PARN: variants seen among roughly 807,000 people sequenced by gnomAD.
The protein encoded by PARN is poly(A)-specific ribonuclease.
A neutral mutation model predicts 102.8 loss-of-function variants in PARN; 71 were observed. That is an observed-to-expected ratio of 0.69 (90% CI 0.57 to 0.84). The LOEUF is 0.84. Ranked by LOEUF, PARN falls within the 40% of genes least tolerant of loss-of-function variation. PARN has a pLI of 0.00. For missense variants in PARN, 782 were observed against 760.9 expected (o/e 1.03, Z -0.33); for synonymous variants, 261 against 252.9 (o/e 1.03, Z -0.30).
chr16:14,569,917 C>A (rs1473375890), intron 18 of PARN, among the ~76,000 whole-genome samples: 3 of 151,834 alleles, frequency 2.0e-5, no homozygotes, highest in Non-Finnish European at 4.4e-5. Flanking sequence ...GGTTAAATAG[C>A]AAAAGTTGTA....
chr16:14,446,809 A>C (rs1961219258), intron 23 of PARN, 79 bp downstream of exon 23: 1 of 1,010,054 alleles, frequency 9.9e-7, no homozygotes, highest in Admixed American at 2.5e-5. Context: ...CCTTGCTATA[A>C]TTTCTCCCCC....
intron 6 of PARN, 22 bp downstream of exon 6, chr16:14,617,568 G>A: frequency 8.3e-7 from 1 of 1,207,148 alleles, no homozygotes; most frequent in Non-Finnish European, 1.2e-6. Flanking sequence ...AAGCTCTAAA[G>A]ATAGGTTACC....
intron 21 of PARN, among the ~76,000 whole-genome samples, chr16:14,535,989 T>G (rs915401219): frequency 6.6e-6 from 1 of 152,108 alleles, no homozygotes; most frequent in Non-Finnish European, 1.5e-5. Flanking sequence ...TTTACTTATT[T>G]AAAAAATAAA....
At chr16:14,626,846 T>C (rs936851239) in intron 5 of PARN, among the ~76,000 whole-genome samples, 2 of 152,022 alleles carry the variant, frequency 1.3e-5, no homozygotes, top group South Asian at 4.1e-4. Context: ...CTCGATCTCC[T>C]GACCTCATGA....
At chr16:14,477,533 T>C (rs1963133061) in intron 22 of PARN, among the ~76,000 whole-genome samples, 1 of 151,718 alleles carries the variant, frequency 6.6e-6, no homozygotes, top group Non-Finnish European at 1.5e-5. Flanking sequence ...ATCCCAGCAC[T>C]TTGGGAGGCC....
chr16:14,606,896 C>T (rs1971222681), intron 9 of PARN, among the ~76,000 whole-genome samples: 2 of 151,920 alleles, frequency 1.3e-5, no homozygotes, highest in African/African-American at 4.8e-5. Context: ...ATTCTCCTGC[C>T]TCAGCTTCCC....
At chr16:14,599,882 C>A in intron 12 of PARN, 22 bp downstream of exon 12, 1 of 1,527,128 alleles carries the variant, frequency 6.5e-7, no homozygotes, top group Non-Finnish European at 9.0e-7. Flanking sequence ...TGCAATCTTG[C>A]TAAAAAGTCT....
chr16:14,629,693 G>C lies in PARN; in HGVS notation c.20-19C>G, dbSNP rs1214041682. On this transcript the variant is annotated intron_variant, in intron 1 of 23. Coordinates refer to ENST00000437198, the MANE Select transcript of PARN (RefSeq NM_002582.4). ...TTAAAATCTGCGGAGAAACCGAAAA[G>C]AGGCTCAGAACCAGTGGCCTGAATT... 6.3e-7 allele frequency: 1 copy of C among 1,585,912 alleles called. No individual in the cohort carries two copies. The highest frequency in any genetic ancestry group is 1.3e-5 in the African/African-American group (1 of 74,358).
intron 21 of PARN, among the ~76,000 whole-genome samples, chr16:14,503,364 A>G (rs1964721879): frequency 6.6e-6 from 1 of 152,256 alleles, no homozygotes; most frequent in Admixed American, 6.5e-5. Flanking sequence ...GAGCTGACTC[A>G]TATGAGAAAA....
chr16:14,604,291 G>A (rs908161323), intron 10 of PARN, 65 bp from the exon 11 acceptor site: 10 of 1,006,642 alleles, frequency 9.9e-6, no homozygotes, highest in East Asian at 5.2e-5. Flanking sequence ...ACAGAGTTTC[G>A]CTCTTGTTGC....
chr16:14,483,747 T>C (rs1455788801), intron 21 of PARN, among the ~76,000 whole-genome samples: 1 of 152,174 alleles, frequency 6.6e-6, no homozygotes, highest in African/African-American at 2.4e-5. Context: ...TTCCTCAACT[T>C]GAAAACTTTG....
intron 6 of PARN, among the ~76,000 whole-genome samples, chr16:14,615,797 A>G (rs1971859128): frequency 6.6e-6 from 1 of 151,706 alleles, no homozygotes; most frequent in African/African-American, 2.4e-5. Flanking sequence ...GCTACTCGGG[A>G]GGCTGAGGCA....
chr16:14,484,711 A>T (rs184218141), intron 21 of PARN, among the ~76,000 whole-genome samples: 2 of 152,326 alleles, frequency 1.3e-5, no homozygotes, highest in East Asian at 3.9e-4. Flanking sequence ...GGCACCTGAC[A>T]CATTTTAATC....
At chr16:14,608,388 G>C in intron 8 of PARN, 69 bp from the exon 9 acceptor site, 1 of 986,396 alleles carries the variant, frequency 1.0e-6, no homozygotes, top group South Asian at 1.5e-5. Flanking sequence ...TCAAGCATTT[G>C]TTGAGAAGGA....
chr16:14,621,128 C>T (rs572882137), intron 5 of PARN, among the ~76,000 whole-genome samples: 4 of 152,184 alleles, frequency 2.6e-5, no homozygotes, highest in African/African-American at 9.7e-5. Context: ...TCCCTACCCC[C>T]ACTTCTTTTT....
chr16:14,624,614 G>C (rs886127628), intron 5 of PARN, among the ~76,000 whole-genome samples: 4 of 152,180 alleles, frequency 2.6e-5, no homozygotes, highest in African/African-American at 9.7e-5. Flanking sequence ...TTTTGTCTTG[G>C]TTGTTTAGAA....
intron 12 of PARN, among the ~76,000 whole-genome samples, chr16:14,595,786 C>T (rs1970470706): frequency 6.6e-6 from 1 of 152,048 alleles, no homozygotes; most frequent in Non-Finnish European, 1.5e-5. Flanking sequence ...CCGCCTTGGC[C>T]TCTCAAAGTG....
intron 6 of PARN, among the ~76,000 whole-genome samples, chr16:14,617,078 A>ATTT (rs1567456972): frequency 1.1e-4 from 15 of 142,838 alleles, no homozygotes; most frequent in African/African-American, 5.2e-5. Flanking sequence ...TTTTTTTTTA[A>ATTT]AAAAAAAAAA....
intron 21 of PARN, among the ~76,000 whole-genome samples, chr16:14,549,405 G>T (rs1328319223): frequency 6.6e-6 from 1 of 152,076 alleles, no homozygotes; most frequent in African/African-American, 2.4e-5. Flanking sequence ...CAAACAAGAG[G>T]GACCCAACAC....
Sources: allele counts gnomAD v4.1 joint callset (sites outside exome capture counted in the v4.1 genomes callset), GRCh38; gene constraint gnomAD v4.1.1; transcripts MANE v1.5; gene names NCBI Gene and HGNC (gene_info 2026-07-23, HGNC 2026-07-21).